The following COMMD7 variants were observed in gnomAD, a reference collection of about 807,000 sequenced individuals.
The protein encoded by COMMD7 is COMM domain containing 7.
In COMMD7, 28 loss-of-function variants were observed where a neutral mutation model predicts 34.8. The observed-to-expected ratio is 0.80, with a 90% CI of 0.60 to 1.10. COMMD7 has a LOEUF of 1.10. COMMD7 is among the 50% of genes least tolerant of loss of function. COMMD7 has a pLI of 0.00. For synonymous variants in COMMD7, 80 were observed against 86.4 expected, an observed-to-expected ratio of 0.93 and a Z score of 0.41; for missense variants, 211 against 241.6, an observed-to-expected ratio of 0.87 and a Z score of 0.84.
intron 1 of COMMD7, among the ~76,000 whole-genome samples, chr20:32,737,374 A>AT (rs1986192170): frequency 6.8e-6 from 1 of 146,956 alleles, no homozygotes; most frequent in Non-Finnish European, 1.5e-5. Context: ...CGTCTCAAAA[A>AT]AAAAAGATAA....
At chr20:32,719,765 A>T (rs2145742387) in intron 3 of COMMD7, among the ~76,000 whole-genome samples, 1 of 152,290 alleles carries the variant, frequency 6.6e-6, no homozygotes, top group East Asian at 1.9e-4. Context: ...TTTGACATAA[A>T]GGAATAGGAC....
intron 3 of COMMD7, among the ~76,000 whole-genome samples, chr20:32,726,367 G>C (rs940980720): frequency 4.6e-5 from 7 of 151,932 alleles, no homozygotes; most frequent in African/African-American, 1.5e-4. Context: ...CTGCACTCCA[G>C]CCTAGGTGAC....
intron 3 of COMMD7, among the ~76,000 whole-genome samples, chr20:32,714,824 AAACAACAACAACAAC>A (rs55911529): frequency 7.2e-6 from 1 of 139,676 alleles, no homozygotes; most frequent in Non-Finnish European, 1.5e-5. Context: ...ACTCCATCTC[AAACAACAACAACAAC>A]AACAACAACA....
chr20:32,728,313 A>G (rs1346644388), intron 1 of COMMD7, among the ~76,000 whole-genome samples, 171 bp from the exon 2 acceptor site: 1 of 152,102 alleles, frequency 6.6e-6, no homozygotes, highest in African/African-American at 2.4e-5. Context: ...ACCAGTGTCA[A>G]TATACCTGTG....
At chr20:32,740,999 C>T (rs1419998086) in intron 1 of COMMD7, among the ~76,000 whole-genome samples, 3 of 151,794 alleles carry the variant, frequency 2.0e-5, no homozygotes, top group Non-Finnish European at 4.4e-5. Flanking sequence ...AAAAATTAGC[C>T]AGGCATGGTG....
intron 3 of COMMD7, among the ~76,000 whole-genome samples, chr20:32,710,768 G>T: frequency 6.7e-6 from 1 of 150,314 alleles, no homozygotes; most frequent in East Asian, 2.0e-4. Flanking sequence ...CTCAGTAGCT[G>T]TTGATGGACC....
At chr20:32,704,759 C>T in intron 6 of COMMD7, 55 bp downstream of exon 6, 1 of 1,339,456 alleles carries the variant, frequency 7.5e-7, no homozygotes, top group Non-Finnish European at 1.1e-6. Context: ...GTCACAGCCT[C>T]TGCACCCCAA....
At chr20:32,728,860 T>C (rs939399709) in intron 1 of COMMD7, among the ~76,000 whole-genome samples, 3 of 152,080 alleles carry the variant, frequency 2.0e-5, no homozygotes. Context: ...GCCATGCACC[T>C]GGCCTCATAT....
intron 3 of COMMD7, among the ~76,000 whole-genome samples, chr20:32,712,704 C>T (rs971396064): frequency 2.8e-5 from 4 of 144,236 alleles, no homozygotes; most frequent in Non-Finnish European, 3.0e-5. Flanking sequence ...CTTCTTCAAA[C>T]ACAGATAACT....
intron 3 of COMMD7, among the ~76,000 whole-genome samples, chr20:32,725,589 C>A (rs533902312): frequency 1.3e-5 from 2 of 151,926 alleles, no homozygotes; most frequent in Non-Finnish European, 2.9e-5. Flanking sequence ...CCACCACACC[C>A]GGCTAATTTT....
chr20:32,704,607 T>C (rs1425992269), intron 6 of COMMD7, 118 bp from the exon 7 acceptor site: 43 of 1,087,480 alleles, frequency 4.0e-5, no homozygotes, highest in Non-Finnish European at 1.3e-6. Flanking sequence ...TGGGGGCAAG[T>C]ATGAGGGCAG....
In COMMD7 at chr20:32,703,394, C is replaced by T. The variant is rs780851032; in HGVS notation, c.591G>A (p.Glu197=). Residue 197 remains glutamate, a synonymous_variant, in exon 9 of 9, where the codon GAG becomes GAA. Transcript: ENST00000278980. ...HEMERVRTSM[E]CFC ...GCAGGGACAGAAATCAGCAGAAACA[C>T]TCCATGCTGGTTCTGACTCGCTCCA... The T allele has an allele frequency of 1.7e-5, 27 of 1,613,880 alleles. No homozygotes were observed. In the South Asian group the frequency reaches 2.2e-4, roughly 13 times the overall value.
intron 3 of COMMD7, among the ~76,000 whole-genome samples, chr20:32,726,407 C>T (rs1376257588): frequency 6.6e-6 from 1 of 151,970 alleles, no homozygotes; most frequent in Non-Finnish European, 1.5e-5. Context: ...AAAAAACAAA[C>T]AAAAGACTTC....
chr20:32,743,451 C>G lies in COMMD7; in HGVS notation c.-60G>C. ...CCGCCGCCCTGCTCAGCTTCCTCCT[C>G]CGCTGCCGCTGCCACCGCTGCCGGC... On this transcript the variant is annotated 5_prime_UTR_variant, in exon 1 of 9. Transcript: ENST00000278980. 8.6e-7 allele frequency: 1 copy of G among 1,169,262 alleles called. No homozygotes were observed. The highest frequency in any genetic ancestry group is 1.6e-5 in the African/African-American group (1 of 61,792). 72.4% of individuals were successfully genotyped at this position (1,169,262 alleles called of 1,614,324 possible). A position where few individuals can be genotyped will look rare whatever the true frequency, so the allele number is the denominator to read the frequency against.
intron 3 of COMMD7, among the ~76,000 whole-genome samples, chr20:32,721,281 C>A (rs1484682307): frequency 6.6e-6 from 1 of 151,990 alleles, no homozygotes; most frequent in Non-Finnish European, 1.5e-5. Flanking sequence ...GGAGACCAGC[C>A]TGGGCAACAT....
intron 1 of COMMD7, among the ~76,000 whole-genome samples, chr20:32,741,448 T>C (rs565207205): frequency 2.0e-5 from 3 of 151,350 alleles, no homozygotes; most frequent in Non-Finnish European, 4.4e-5. Context: ...TGGAATGCAG[T>C]GGTGCAATCG....
intron 5 of COMMD7, among the ~76,000 whole-genome samples, chr20:32,705,407 T>C (rs1437441782): frequency 6.6e-6 from 1 of 150,398 alleles, no homozygotes; most frequent in Non-Finnish European, 1.5e-5. Flanking sequence ...GGAGTCTCGC[T>C]CTGTTGCCCA....
intron 1 of COMMD7, among the ~76,000 whole-genome samples, chr20:32,730,043 T>G (rs1474135270): frequency 6.6e-6 from 1 of 152,020 alleles, no homozygotes; most frequent in Non-Finnish European, 1.5e-5. Flanking sequence ...TGTCTGCTGT[T>G]GGAGCCAACC....
At chr20:32,709,506 T>C (rs1984298562) in intron 3 of COMMD7, among the ~76,000 whole-genome samples, 1 of 151,512 alleles carries the variant, frequency 6.6e-6, no homozygotes, top group Non-Finnish European at 1.5e-5. Context: ...AGCCGAGATC[T>C]GCCACTGCAC....
Sources: allele counts gnomAD v4.1 joint callset (sites outside exome capture counted in the v4.1 genomes callset), GRCh38; gene constraint gnomAD v4.1.1; transcripts MANE v1.5; gene names NCBI Gene and HGNC (gene_info 2026-07-23, HGNC 2026-07-21).